ZFHX4: variants seen among roughly 807,000 people sequenced by gnomAD.
The protein encoded by ZFHX4 is zinc finger homeobox protein 4.
In ZFHX4, 56 loss-of-function variants were observed where a neutral mutation model predicts 267.6. The ratio of observed to expected loss-of-function variants is 0.21; its 90% CI spans 0.17 to 0.26. ZFHX4 has a LOEUF of 0.26. Among genes scored for constraint, ZFHX4 ranks in the 10% least tolerant of loss-of-function variants. The pLI, the probability that ZFHX4 is intolerant of heterozygous loss-of-function variation, is 1.00. For synonymous variants in ZFHX4, 1,778 were observed against 1,665.6 expected, an observed-to-expected ratio of 1.07 and a Z score of -1.64; for missense variants, 4,332 against 4,420.0, an observed-to-expected ratio of 0.98 and a Z score of 0.56.
chr8:76,779,809 A>G (rs1810501699), intron 4 of ZFHX4, among the ~76,000 whole-genome samples: 3 of 152,114 alleles, frequency 2.0e-5, no homozygotes, highest in Non-Finnish European at 4.4e-5. Flanking sequence ...TCACGAACCT[A>G]TAAAGATATT....
intron 4 of ZFHX4, among the ~76,000 whole-genome samples, chr8:76,822,907 C>G (rs1811691309): frequency 6.6e-6 from 1 of 152,100 alleles, no homozygotes; most frequent in Non-Finnish European, 1.5e-5. Flanking sequence ...CAAATATATT[C>G]AACTCAGTTT....
chr8:76,865,746 T>C lies in ZFHX4; in HGVS notation c.*1181T>C, dbSNP rs781767334. 1 of 152,592 alleles carries C rather than the reference T, an allele frequency of 6.6e-6. No homozygotes were observed. Among genetic ancestry groups the C allele is most frequent in the African/African-American group, 2.4e-5 (1 of 41,446 alleles). The allele number at this position is 152,592 out of a possible 1,614,324, so 9.5% of individuals were successfully genotyped here. A position where few individuals can be genotyped will look rare whatever the true frequency, so the allele number is the denominator to read the frequency against. ...TAAAAATTTGTTTTGTATAAAGAGG[T>C]TAGCCCTGCGCACGTAGGACTGAAT... is the stretch of plus-strand genomic sequence containing the variant. On this transcript the variant is annotated 3_prime_UTR_variant, in exon 11 of 11. Coordinates refer to ENST00000651372, the MANE Select transcript of ZFHX4 (RefSeq NM_024721.5).
Position 76,706,562 on chromosome 8 carries a change from T to C in ZFHX4, c.2474T>C (p.Leu825Pro), listed in dbSNP as rs1808279563. 1.9e-6 allele frequency: 3 copies of C among 1,612,476 alleles called. No homozygotes were observed. Among genetic ancestry groups the C allele is most frequent in the Non-Finnish European group, 2.5e-6 (3 of 1,179,376 alleles). ...GAAGCAGAGCTTTATCAGTACTACC[T>C]AGCCCAGAACATAGGCCTGACCGGA... is the stretch of plus-strand genomic sequence containing the variant. The part of the protein sequence containing the change: ...PAEAELYQYY[L>P]AQNIGLTGMK... Residue 825 changes from leucine to proline, a missense_variant, in exon 2 of 11, where the codon CTA becomes CCA. Physicochemically the swap from Leu to Pro is moderately conservative, Grantham distance 98. Transcript: ENST00000651372.
chr8:76,738,712 T>TTCTCTCTCTCTCTCTCTC (rs571087005), intron 3 of ZFHX4, among the ~76,000 whole-genome samples: 2 of 123,810 alleles, frequency 1.6e-5, no homozygotes, highest in African/African-American at 6.0e-5. Context: ...CTCTCTCTCT[T>TTCTCTCTCTCTCTCTCTC]TCTCTCTCTC....
chr8:76,817,272 A>T (rs1380223227), intron 4 of ZFHX4, among the ~76,000 whole-genome samples: 7 of 152,244 alleles, frequency 4.6e-5, no homozygotes, highest in Non-Finnish European at 1.0e-4. Context: ...TACTATTGGT[A>T]CTTGCTCATA....
At chr8:76,761,594 A>G (rs1017747704) in intron 3 of ZFHX4, among the ~76,000 whole-genome samples, 1 of 152,206 alleles carries the variant, frequency 6.6e-6, no homozygotes, top group South Asian at 2.1e-4. Context: ...ACTTCAGTAT[A>G]GTAAGGGAGG....
intron 3 of ZFHX4, among the ~76,000 whole-genome samples, chr8:76,715,782 C>G (rs1194661754): frequency 6.6e-6 from 1 of 152,026 alleles, no homozygotes; most frequent in East Asian, 1.9e-4. Context: ...TAATCTTGAA[C>G]TTACATAAAT....
chr8:76,762,807 A>G lies in ZFHX4; in HGVS notation c.3094-15401A>G, dbSNP rs139377861. ...TGTAATCATCGTATTGACTCTCTCA[A>G]TAGGTAACAGTTTTAGGTCTTCCAG... On this transcript the variant is annotated intron_variant, in intron 3 of 10. Transcript: ENST00000651372. Among the ~76,000 whole-genome samples the G allele has an allele frequency of 4.9e-3, 748 of 152,300 alleles. 14 individuals are homozygous for G. Among genetic ancestry groups the G allele is most frequent in the African/African-American group, 0.017 (693 of 41,566 alleles).
chr8:76,853,964 A>G lies in ZFHX4; in HGVS notation c.7043A>G (p.Gln2348Arg). The change falls in exon 10 of 11, where the codon CAA (glutamine) becomes CGA (arginine). Residue 2348 changes from glutamine (Q) to arginine (R), a missense_variant. Gln to Arg is a conservative substitution (Grantham distance 43). Transcript: ENST00000651372. Reference protein sequence around the residue: ...DEDDDAQDESQTEDSMDATDQ... With the variant: ...DEDDDAQDESRTEDSMDATDQ... ...GATGATGATGCCCAAGATGAAAGCCAAACAGAAGACTCCATGGATGCCACT... is the reference window on the plus strand; with the variant it reads ...GATGATGATGCCCAAGATGAAAGCCGAACAGAAGACTCCATGGATGCCACT... 1.2e-6 allele frequency: 2 copies of G among 1,613,902 alleles called. No individual in the cohort carries two copies. Among genetic ancestry groups the G allele is most frequent in the East Asian group, 2.2e-5 (1 of 44,864 alleles).
intron 3 of ZFHX4, among the ~76,000 whole-genome samples, chr8:76,722,540 A>G (rs1443838123): frequency 6.6e-6 from 1 of 151,984 alleles, no homozygotes; most frequent in Non-Finnish European, 1.5e-5. Context: ...TAACTCAAGA[A>G]AAGTTTAAAA....
At chr8:76,719,681 A>G (rs546091722) in intron 3 of ZFHX4, among the ~76,000 whole-genome samples, 1 of 152,208 alleles carries the variant, frequency 6.6e-6, no homozygotes. Flanking sequence ...TCTTAAAGAT[A>G]TAATAGATAC....
chr8:76,857,806 AATACAAGTGTTTG>A (rs1812771610), intron 10 of ZFHX4, among the ~76,000 whole-genome samples: 1 of 152,008 alleles, frequency 6.6e-6, no homozygotes, highest in South Asian at 2.1e-4. Flanking sequence ...ATTTAAGTAA[AATACAAGTGTTTG>A]AAGAATAATG....
intron 3 of ZFHX4, among the ~76,000 whole-genome samples, chr8:76,713,074 C>T (rs11984834): frequency 0.02 from 3,109 of 152,290 alleles, 114 homozygotes; most frequent in African/African-American, 0.071. Flanking sequence ...GCCCTATCAA[C>T]TATGTCTACT....
At chr8:76,764,619 C>T (rs1810005115) in intron 3 of ZFHX4, among the ~76,000 whole-genome samples, 2 of 152,114 alleles carry the variant, frequency 1.3e-5, no homozygotes, top group African/African-American at 4.8e-5. Flanking sequence ...TTTTATTACT[C>T]ATTTCTATTC....
rs1807526110 is a variant in ZFHX4, at chr8:76,681,448, T to C, written c.-219T>C. ...CCGAGGACCGCTCCATGCCCCCCACTTTCTGCTCCAGCGTTTTTATTTTCA... is the reference window on the plus strand; with the variant it reads ...CCGAGGACCGCTCCATGCCCCCCACCTTCTGCTCCAGCGTTTTTATTTTCA... On this transcript the variant is annotated 5_prime_UTR_variant, in exon 1 of 11. Coordinates refer to ENST00000651372, the MANE Select transcript of ZFHX4 (RefSeq NM_024721.5). The C allele has an allele frequency of 7.5e-6, 3 of 398,394 alleles. No individual in the cohort carries two copies. The East Asian group carries it at 1.1e-4, about 14-fold the overall frequency. 24.7% of individuals were successfully genotyped at this position (398,394 alleles called of 1,614,324 possible).
At chr8:76,686,837 G>C (rs566362366) in intron 1 of ZFHX4, among the ~76,000 whole-genome samples, 1 of 152,066 alleles carries the variant, frequency 6.6e-6, no homozygotes, top group African/African-American at 2.4e-5. Context: ...AATATGTTCT[G>C]TCATTGTTGC....
intron 4 of ZFHX4, among the ~76,000 whole-genome samples, chr8:76,779,737 G>T (rs1810499631): frequency 6.6e-6 from 1 of 151,852 alleles, no homozygotes; most frequent in African/African-American, 2.4e-5. Flanking sequence ...TTATGTAGTG[G>T]CGTAAGGGGG....
chr8:76,822,087 A>C (rs1387097662), intron 4 of ZFHX4, among the ~76,000 whole-genome samples: 1 of 152,096 alleles, frequency 6.6e-6, no homozygotes, highest in Non-Finnish European at 1.5e-5. Context: ...TATAAACAAA[A>C]AATCTCAAAC....
At chr8:76,813,099 A>G (rs1397392025) in intron 4 of ZFHX4, among the ~76,000 whole-genome samples, 1 of 152,128 alleles carries the variant, frequency 6.6e-6, no homozygotes, top group African/African-American at 2.4e-5. Context: ...TAAAAATTCT[A>G]AAAATTTGTT....
Sources: gnomAD v4.1 joint callset for allele counts (sites outside exome capture counted in the v4.1 genomes callset) on GRCh38, gnomAD v4.1.1 for gene constraint, MANE v1.5 for transcripts, NCBI Gene and HGNC (gene_info 2026-07-23, HGNC 2026-07-21) for gene names.